Variants in FGF20 observed in about 807,000 individuals in gnomAD.
The protein encoded by FGF20 is fibroblast growth factor 20.
A neutral mutation model predicts 16.7 loss-of-function variants in FGF20; 8 were observed. The ratio of observed to expected loss-of-function variants is 0.48; its 90% CI spans 0.28 to 0.87. The LOEUF (loss-of-function observed/expected upper bound fraction) is 0.87, where lower values mean the gene tolerates loss of function less well. Ranked by LOEUF, FGF20 falls within the 40% of genes least tolerant of loss-of-function variation. The pLI is 0.10. For synonymous variants in FGF20, 161 were observed against 118.6 expected, an observed-to-expected ratio of 1.36 and a Z score of -2.32; for missense variants, 397 against 281.4, an observed-to-expected ratio of 1.41 and a Z score of -2.94.
chr8:16,993,233 C>T lies in FGF20; in HGVS notation c.475G>A (p.Gly159Arg). The change falls in exon 3 of 3, where the codon GGA becomes AGA. Residue 159 changes from glycine to arginine, a missense_variant. Coordinates refer to ENST00000180166, the MANE Select transcript of FGF20 (RefSeq NM_019851.3). ...NTYSSNIYKH[G>R]DTGRRYFVAL... The stretch of plus-strand genomic sequence containing the variant: ...ACAAAATACCTGCGGCCAGTGTCTC[C>T]ATGTTTATATATGTTAGATGAATAG... 6.2e-7 allele frequency: 1 copy of T among 1,614,092 alleles called. No homozygotes were observed.
chr8:17,001,091 A>G lies in FGF20; in HGVS notation c.286+656T>C, dbSNP rs1585104272. On this transcript the variant is annotated intron_variant, in intron 1 of 2. Transcript: ENST00000180166. The stretch of plus-strand genomic sequence containing the variant: ...TTTTCTCACCCACATAGAACTTAGG[A>G]GCTGAGGGAACCTCAGACAGGTGAG... Among the ~76,000 whole-genome samples, 3 of 117,786 alleles carry G rather than the reference A, an allele frequency of 2.5e-5. No individual in the cohort carries two copies. In the South Asian group the frequency reaches 9.4e-4, roughly 37 times the overall value. 77.3% of individuals were successfully genotyped at this position (117,786 alleles called of 152,430 possible). A position where few individuals can be genotyped will look rare whatever the true frequency, so the allele number is the denominator to read the frequency against.
chr8:16,998,887 A>AAG (rs1810120134), intron 1 of FGF20, among the ~76,000 whole-genome samples: 1 of 55,672 alleles, frequency 1.8e-5, no homozygotes. Context: ...TAAAACTGGC[A>AAG]AAAAAAAAAA....
At chr8:17,001,518 C>T (rs1463514613) in intron 1 of FGF20, among the ~76,000 whole-genome samples, 1 of 152,152 alleles carries the variant, frequency 6.6e-6, no homozygotes, top group African/African-American at 2.4e-5. Context: ...TCTGGAGCTG[C>T]TGCCCTGCTA....
intron 1 of FGF20, among the ~76,000 whole-genome samples, chr8:16,998,029 T>C (rs1283849745): frequency 6.6e-6 from 1 of 152,188 alleles, no homozygotes; most frequent in African/African-American, 2.4e-5. Context: ...GATTAGAATG[T>C]AGAATAGAGC....
chr8:17,000,442 T>G (rs537481330), intron 1 of FGF20, among the ~76,000 whole-genome samples: 1 of 149,888 alleles, frequency 6.7e-6, no homozygotes, highest in Non-Finnish European at 1.5e-5. Context: ...AAGGGAATAA[T>G]TATAAGAACA....
Position 16,992,895 on chromosome 8 carries a change from A to T in FGF20, c.*177T>A. 1.5e-6 allele frequency: 1 copy of T among 688,266 alleles called. No homozygotes were observed. Among genetic ancestry groups the T allele is most frequent in the Non-Finnish European group, 2.4e-6 (1 of 421,930 alleles). 42.6% of individuals were successfully genotyped at this position (688,266 alleles called of 1,614,324 possible). A position where few individuals can be genotyped will look rare whatever the true frequency, so the allele number is the denominator to read the frequency against. On this transcript the variant is annotated 3_prime_UTR_variant, in exon 3 of 3. Coordinates refer to ENST00000180166, the MANE Select transcript of FGF20 (RefSeq NM_019851.3). ...CACATATAAAGAGTGATCATGATCT[A>T]TTTCTAGTCAAAATTTTTTTTGGTT...
intron 1 of FGF20, among the ~76,000 whole-genome samples, chr8:16,997,206 C>T (rs1007296246): frequency 2.0e-5 from 3 of 152,020 alleles, no homozygotes; most frequent in East Asian, 1.9e-4. Context: ...TTTTTCTGCA[C>T]ACACTAAACT....
chr8:17,000,706 C>A (rs1810161237), intron 1 of FGF20, among the ~76,000 whole-genome samples: 1 of 151,916 alleles, frequency 6.6e-6, no homozygotes, highest in East Asian at 1.9e-4. Flanking sequence ...CATCTTTGTA[C>A]AGAAAACTAA....
In FGF20 at chr8:17,002,008, C is replaced by T. The variant is rs971587907; in HGVS notation, c.25G>A (p.Gly9Ser). The T allele has an allele frequency of 6.5e-6, 10 of 1,535,744 alleles. No homozygotes were observed. In the African/African-American group the frequency reaches 9.9e-5, roughly 15 times the overall value. ...AAGCCCTCCAGGCCGCCCAGAAAGC[C>T]CCCGACTTCGGCTAAGGGAGCCATG... Reference protein sequence around the residue: MAPLAEVGGFLGGLEGLGQ... With the variant: MAPLAEVGSFLGGLEGLGQ... Residue 9 changes from glycine (G) to serine (S), a missense_variant, in exon 1 of 3, where the codon GGC becomes AGC. Coordinates refer to ENST00000180166, the MANE Select transcript of FGF20 (RefSeq NM_019851.3).
At chr8:16,999,832 C>A (rs1314684514) in intron 1 of FGF20, among the ~76,000 whole-genome samples, 7 of 152,022 alleles carry the variant, frequency 4.6e-5, no homozygotes. Flanking sequence ...AGCCACTGCG[C>A]CCAGCCCCAA....
intron 2 of FGF20, among the ~76,000 whole-genome samples, chr8:16,995,322 G>T (rs1184852194): frequency 6.6e-6 from 1 of 152,184 alleles, no homozygotes. Context: ...ATAAAGGTGA[G>T]AGAGTCTAAC....
At position 16,993,109 on chromosome 8, in the gene FGF20, A is replaced by C; in HGVS notation, c.599T>G (p.Val200Gly). 2 of 1,613,774 alleles carry C rather than the reference A, an allele frequency of 1.2e-6. No homozygotes were observed. The highest frequency in any genetic ancestry group is 1.7e-6 in the Non-Finnish European group (2 of 1,179,926). The change falls in exon 3 of 3, where the codon GTT becomes GGT. Residue 200 changes from valine to glycine, a missense_variant. Transcript: ENST00000180166. ...CAGTAGGTCCTTGTACAATTCTGGA[A>C]CTCTTTCTGGATCCACTGGTCTAGG... is the stretch of plus-strand genomic sequence containing the variant. ...FLPRPVDPER[V>G]PELYKDLLMY...
intron 1 of FGF20, among the ~76,000 whole-genome samples, chr8:16,997,259 C>G (rs185130338): frequency 6.6e-5 from 10 of 152,142 alleles, no homozygotes; most frequent in Non-Finnish European, 1.3e-4. Flanking sequence ...TTCAACTCTG[C>G]TGAAAAAGCA....
At chr8:16,993,353 A>T in intron 2 of FGF20, 36 bp from the exon 3 acceptor site, 1 of 1,543,866 alleles carries the variant, frequency 6.5e-7, no homozygotes. Flanking sequence ...TTTTTAAAAA[A>T]ATACCTTTGA....
rs1442725564 is a variant in FGF20, at chr8:17,001,891, C to G, written c.142G>C (p.Ala48Pro). Residue 48 changes from alanine to proline, a missense_variant, in exon 1 of 3, where the codon GCG (alanine) becomes CCG (proline). Transcript: ENST00000180166. Reference protein sequence around the residue: ...GERRSAAERSARGGPGAAQLA... With the variant: ...GERRSAAERSPRGGPGAAQLA... ...TGCGCAGCCCCCGGCCCGCCGCGCG[C>G]GCTCCGCTCCGCCGCGCTCCTGCGC... 1.4e-6 allele frequency: 2 copies of G among 1,433,084 alleles called. No homozygotes were observed. The highest frequency in any genetic ancestry group is 1.8e-6 in the Non-Finnish European group (2 of 1,097,824). 88.8% of individuals were successfully genotyped at this position (1,433,084 alleles called of 1,614,324 possible).
At chr8:16,993,944 G>A (rs1227393865) in intron 2 of FGF20, among the ~76,000 whole-genome samples, 1 of 152,110 alleles carries the variant, frequency 6.6e-6, no homozygotes. Context: ...TGTAAATTCA[G>A]ATGAAGTTTC....
chr8:17,000,956 C>T (rs1047739333), intron 1 of FGF20, among the ~76,000 whole-genome samples: 2 of 152,096 alleles, frequency 1.3e-5, no homozygotes, highest in Non-Finnish European at 2.9e-5. Flanking sequence ...TACCAAGATA[C>T]TTGCTTTCAG....
intron 1 of FGF20, among the ~76,000 whole-genome samples, chr8:17,000,887 CGTCT>C: frequency 1.3e-5 from 2 of 152,122 alleles, no homozygotes; most frequent in South Asian, 2.1e-4. Context: ...GAAACACGTC[CGTCT>C]GTGTTCCCAC....
At position 16,993,316 on chromosome 8, in the gene FGF20, T is replaced by C; in HGVS notation, c.392A>G (p.Glu131Gly). The C allele has an allele frequency of 1.9e-6, 3 of 1,599,420 alleles. No individual in the cohort carries two copies. Among genetic ancestry groups the C allele is most frequent in the Non-Finnish European group, 2.6e-6 (3 of 1,173,446 alleles). Reference protein sequence around the residue: ...MNDKGELYGSEKLTSECIFRE... With the variant: ...MNDKGELYGSGKLTSECIFRE... ...AAAGATGCATTCGGAAGTAAGTTTC[T>C]CCTGAAAGAGAGAAGATAACTATTA... Residue 131 changes from glutamate to glycine, a missense_variant and splice_region_variant, in exon 3 of 3, where the codon GAG becomes GGG. Glu to Gly is a moderately conservative substitution (Grantham distance 98). Coordinates refer to ENST00000180166, the MANE Select transcript of FGF20 (RefSeq NM_019851.3).
Sources: gnomAD v4.1 joint callset for allele counts (sites outside exome capture counted in the v4.1 genomes callset) on GRCh38, gnomAD v4.1.1 for gene constraint, MANE v1.5 for transcripts, NCBI Gene and HGNC (gene_info 2026-07-23, HGNC 2026-07-21) for gene names.